The following IMMP2L variants were observed in gnomAD, a reference collection of about 807,000 sequenced individuals.
IMMP2L encodes inner mitochondrial membrane peptidase subunit 2.
In IMMP2L, 18 loss-of-function variants were observed where a neutral mutation model predicts 19.3. That is an observed-to-expected ratio of 0.93 (90% CI 0.64 to 1.38). The LOEUF is 1.38. Ranked by LOEUF, IMMP2L falls within the 40% of genes most tolerant of loss-of-function variation. The pLI is 0.00. For missense variants in IMMP2L, 233 were observed against 218.2 expected, an observed-to-expected ratio of 1.07 and a Z score of -0.43; for synonymous variants, 76 against 73.0, an observed-to-expected ratio of 1.04 and a Z score of -0.21.
rs541160576 is a variant in IMMP2L, at chr7:111,017,065, CTTTATTTA to C, written c.240-53508_240-53501del. On this transcript the variant is annotated intron_variant, in intron 3 of 5. Transcript: ENST00000405709. The stretch of plus-strand genomic sequence containing the variant: ...ATATTGCATTTTTTAATATATGTGC[CTTTATTTA>C]TTTATTTATTTATTTATTGAGAAAG... Among the ~76,000 whole-genome samples the C allele has an allele frequency of 9.5e-4, 133 of 140,648 alleles. 1 individual carries two copies. Among genetic ancestry groups the C allele is most frequent in the African/African-American group, 3.4e-3 (127 of 37,412 alleles). 92.3% of individuals were successfully genotyped at this position (140,648 alleles called of 152,430 possible).
At chr7:110,998,850 G>A (rs1823321199) in intron 3 of IMMP2L, among the ~76,000 whole-genome samples, 1 of 152,144 alleles carries the variant, frequency 6.6e-6, no homozygotes, top group Non-Finnish European at 1.5e-5. Flanking sequence ...AAGGGGAGAG[G>A]ATATAGGATC....
chr7:111,531,493 G>A (rs916287798), intron 1 of IMMP2L, among the ~76,000 whole-genome samples: 3 of 151,902 alleles, frequency 2.0e-5, no homozygotes, highest in African/African-American at 7.3e-5. Flanking sequence ...TCAAATTTCA[G>A]TTATTAAAAT....
chr7:111,342,711 A>G (rs961972837), intron 3 of IMMP2L, among the ~76,000 whole-genome samples: 2 of 152,108 alleles, frequency 1.3e-5, no homozygotes, highest in Non-Finnish European at 2.9e-5. Context: ...ATAATTATAT[A>G]TAATTTTCTG....
intron 5 of IMMP2L, among the ~76,000 whole-genome samples, chr7:110,670,398 A>C (rs1315941203): frequency 6.6e-6 from 1 of 152,194 alleles, no homozygotes; most frequent in Non-Finnish European, 1.5e-5. Flanking sequence ...GAATTTAAAA[A>C]ACGCTACGCA....
chr7:111,420,375 A>T (rs1835374305), intron 3 of IMMP2L, among the ~76,000 whole-genome samples: 1 of 151,814 alleles, frequency 6.6e-6, no homozygotes, highest in South Asian at 2.1e-4. Flanking sequence ...AACAAATAAA[A>T]AAACTATCTG....
At chr7:110,888,822 C>T (rs1663064779) in intron 4 of IMMP2L, among the ~76,000 whole-genome samples, 1 of 152,204 alleles carries the variant, frequency 6.6e-6, no homozygotes, top group East Asian at 1.9e-4. Context: ...TTATGTCCCT[C>T]CACTAGAATG....
chr7:110,713,262 G>A (rs1412057543), intron 5 of IMMP2L, among the ~76,000 whole-genome samples: 3 of 152,042 alleles, frequency 2.0e-5, no homozygotes, highest in Non-Finnish European at 4.4e-5. Flanking sequence ...TGTTCCATTG[G>A]TCTACATGTC....
chr7:111,270,876 A>C (rs1024648312), intron 3 of IMMP2L, among the ~76,000 whole-genome samples: 1 of 152,142 alleles, frequency 6.6e-6, no homozygotes, highest in African/African-American at 2.4e-5. Flanking sequence ...TAAAATGAGC[A>C]CTTATCTTAC....
intron 3 of IMMP2L, among the ~76,000 whole-genome samples, chr7:111,205,908 A>C (rs750607398): frequency 6.6e-6 from 1 of 152,174 alleles, no homozygotes; most frequent in Non-Finnish European, 1.5e-5. Context: ...AAGTGCCAAT[A>C]CATAATAACA....
chr7:111,217,570 T>C (rs1812085933), intron 3 of IMMP2L, among the ~76,000 whole-genome samples: 1 of 152,110 alleles, frequency 6.6e-6, no homozygotes, highest in South Asian at 2.1e-4. Flanking sequence ...AATAAAGGGA[T>C]ATCAATGCTG....
intron 3 of IMMP2L, among the ~76,000 whole-genome samples, chr7:111,368,073 C>A (rs545052065): frequency 1.3e-5 from 2 of 151,282 alleles, no homozygotes; most frequent in South Asian, 4.2e-4. Flanking sequence ...TCAATCTATA[C>A]ACACTAGATA....
chr7:110,834,359 A>AGTGT (rs59237816), intron 5 of IMMP2L, among the ~76,000 whole-genome samples: 63,678 of 150,208 alleles, frequency 0.42, 15,122 homozygotes, highest in East Asian at 0.72. Context: ...CAAAGTTAAG[A>AGTGT]GTGTGTGTGT....
intron 4 of IMMP2L, among the ~76,000 whole-genome samples, chr7:110,947,778 G>A (rs1414414700): frequency 6.6e-6 from 1 of 152,138 alleles, no homozygotes; most frequent in Non-Finnish European, 1.5e-5. Flanking sequence ...TACACCTAGA[G>A]CTGAAGCAGC....
At chr7:111,235,215 T>C (rs1814153617) in intron 3 of IMMP2L, among the ~76,000 whole-genome samples, 1 of 152,136 alleles carries the variant, frequency 6.6e-6, no homozygotes, top group African/African-American at 2.4e-5. Context: ...CTCACGCCTG[T>C]AATACCAGCA....
intron 4 of IMMP2L, among the ~76,000 whole-genome samples, chr7:110,897,285 T>C (rs1811420282): frequency 6.6e-6 from 1 of 152,108 alleles, no homozygotes; most frequent in African/African-American, 2.4e-5. Context: ...ATGTTGCATA[T>C]ATAATGAAAT....
Position 111,049,422 on chromosome 7 carries a change from C to T in IMMP2L, c.240-85857G>A, listed in dbSNP as rs573138349. ...CTGGGATTACAGGCGTGAGCCACCG[C>T]GCCCGGCCGATTTTTATGATACTTC... is the stretch of plus-strand genomic sequence containing the variant. On this transcript the variant is annotated intron_variant, in intron 3 of 5. Transcript: ENST00000405709. 4.0e-4 allele frequency among the ~76,000 whole-genome samples: 61 copies of T among 152,102 alleles called. 1 individual carries two copies. The highest frequency in any genetic ancestry group is 8.1e-4 in the Non-Finnish European group (55 of 68,008).
chr7:111,281,208 AAG>A lies in IMMP2L; in HGVS notation c.239+206028_239+206029del, dbSNP rs1170647587. On this transcript the variant is annotated intron_variant, in intron 3 of 5. Coordinates refer to ENST00000405709, the MANE Select transcript of IMMP2L (RefSeq NM_032549.4). ...AAAGAAAGAAAGAAAGAAAGAAAGAAAGAAAGAAAAAGAAAGAAAGAAAGAAA... is the reference window on the plus strand; with the variant it reads ...AAAGAAAGAAAGAAAGAAAGAAAGAAAAAGAAAAAGAAAGAAAGAAAGAAA... Among the ~76,000 whole-genome samples, 163 of 53,756 alleles carry A rather than the reference AAG, an allele frequency of 3.0e-3. 1 individual carries two copies. The highest frequency in any genetic ancestry group is 0.015 in the East Asian group (23 of 1,554). 35.3% of individuals were successfully genotyped at this position (53,756 alleles called of 152,430 possible). A position where few individuals can be genotyped will look rare whatever the true frequency, so the allele number is the denominator to read the frequency against.
At chr7:111,120,836 T>A (rs1212943317) in intron 3 of IMMP2L, among the ~76,000 whole-genome samples, 1 of 152,104 alleles carries the variant, frequency 6.6e-6, no homozygotes, top group African/African-American at 2.4e-5. Flanking sequence ...TGTCTCTAAA[T>A]CCTGTCTCCT....
At chr7:111,390,009 A>G (rs1279210767) in intron 3 of IMMP2L, among the ~76,000 whole-genome samples, 1 of 152,162 alleles carries the variant, frequency 6.6e-6, no homozygotes, top group Non-Finnish European at 1.5e-5. Context: ...TAAGGATAAA[A>G]TTGCAAAATT....
Sources: allele counts gnomAD v4.1 joint callset (sites outside exome capture counted in the v4.1 genomes callset), GRCh38; gene constraint gnomAD v4.1.1; transcripts MANE v1.5; gene names NCBI Gene and HGNC (gene_info 2026-07-23, HGNC 2026-07-21).